PLCH1: variants seen among roughly 807,000 people sequenced by gnomAD.
PLCH1 encodes phospholipase C eta 1.
In PLCH1, 60 loss-of-function variants were observed where a neutral mutation model predicts 126.7. That is an observed-to-expected ratio of 0.47 (90% CI 0.38 to 0.59). The LOEUF (loss-of-function observed/expected upper bound fraction) is 0.59, where lower values mean the gene tolerates loss of function less well. Ranked by LOEUF, PLCH1 falls within the 20% of genes least tolerant of loss-of-function variation. PLCH1 has a pLI of 0.00. For synonymous variants in PLCH1, 719 were observed against 734.9 expected (o/e 0.98, Z 0.35); for missense variants, 1,723 against 2,040.0 (o/e 0.84, Z 2.99).
At chr3:155,512,057 C>G (rs1022971342) in intron 12 of PLCH1, among the ~76,000 whole-genome samples, 10 of 150,126 alleles carry the variant, frequency 6.7e-5, no homozygotes, top group Non-Finnish European at 1.3e-4. Context: ...TCTCGTGGTG[C>G]GCCGTTTCTT....
chr3:155,670,757 C>A (rs974625732), intron 2 of PLCH1, among the ~76,000 whole-genome samples: 9 of 152,102 alleles, frequency 5.9e-5, no homozygotes, highest in Admixed American at 2.0e-4. Flanking sequence ...CAAAACTTAC[C>A]ATGTTCTCAC....
intron 6 of PLCH1, among the ~76,000 whole-genome samples, chr3:155,577,768 C>T (rs1730171932): frequency 6.6e-6 from 1 of 152,186 alleles, no homozygotes; most frequent in Non-Finnish European, 1.5e-5. Context: ...AGAGAAGAAA[C>T]ACATGCCCCT....
chr3:155,625,266 G>A (rs1039801828), intron 2 of PLCH1, among the ~76,000 whole-genome samples: 18 of 152,104 alleles, frequency 1.2e-4, no homozygotes, highest in Admixed American at 2.6e-4. Flanking sequence ...AGACTTAAAC[G>A]TAAGATCTAA....
At chr3:155,586,527 T>G (rs1222331755) in intron 4 of PLCH1, among the ~76,000 whole-genome samples, 1 of 151,992 alleles carries the variant, frequency 6.6e-6, no homozygotes, top group East Asian at 1.9e-4. Context: ...GCCAACATGG[T>G]GAAACCCTGT....
chr3:155,482,297 G>T lies in PLCH1; in HGVS notation c.3729C>A (p.Phe1243Leu), dbSNP rs764127237. Residue 1243 changes from phenylalanine to leucine, a missense_variant, in exon 23 of 23, where the codon TTC becomes TTA. By Grantham distance (22) the Phe-to-Leu change is conservative. This residue lies in a region of PLCH1 where 947 missense variants were observed against 977.1 expected (regional missense o/e 0.97). Coordinates refer to ENST00000460012, the MANE Select transcript of PLCH1 (RefSeq NM_014996.4). The stretch of plus-strand genomic sequence containing the variant: ...CTATCAGCTCCGGAGATGAGCACAG[G>T]AAGGAAGACTTGGATTTTCCCTTGC... ...GFCKGKSKSS[F>L]LCSSPELIAL... is the part of the protein sequence containing the mutation. 6 of 1,614,084 alleles carry T rather than the reference G, an allele frequency of 3.7e-6. No homozygotes were observed. The East Asian group carries it at 1.3e-4, about 36-fold the overall frequency.
chr3:155,569,435 C>G (rs1411758804), intron 6 of PLCH1, among the ~76,000 whole-genome samples: 1 of 151,998 alleles, frequency 6.6e-6, no homozygotes, highest in Non-Finnish European at 1.5e-5. Context: ...TTTGTCAGTT[C>G]AAAAGAACAC....
chr3:155,465,942 G>A (rs1712912505), intron 21 of PLCH1, among the ~76,000 whole-genome samples: 2 of 152,186 alleles, frequency 1.3e-5, no homozygotes, highest in African/African-American at 4.8e-5. Flanking sequence ...TGCATCTTGT[G>A]GTTTCAGTGC....
In PLCH1 at chr3:155,583,575, A is replaced by T; in HGVS notation, c.668T>A (p.Met223Lys). 6.2e-7 allele frequency: 1 copy of T among 1,603,336 alleles called. No homozygotes were observed. Reference protein sequence around the residue: ...FEEFCVFYKMMSLRRDLYLLL... With the variant: ...FEEFCVFYKMKSLRRDLYLLL... ...CAAATAAAGGTCTCGTCTCAAAGAC[A>T]TCATTTTGTAAAAAACACAGAACTC... The change falls in exon 6 of 23, where the codon ATG becomes AAG. Residue 223 changes from methionine (M) to lysine (K), a missense_variant. By Grantham distance (95) the Met-to-Lys change is moderately conservative. Coordinates refer to ENST00000460012, the MANE Select transcript of PLCH1 (RefSeq NM_014996.4).
intron 2 of PLCH1, among the ~76,000 whole-genome samples, chr3:155,617,868 C>G (rs538030814): frequency 8.7e-4 from 133 of 152,278 alleles, no homozygotes; most frequent in African/African-American, 3.1e-3. Flanking sequence ...ATGCCACTTT[C>G]TAACAAGCCC....
intron 2 of PLCH1, among the ~76,000 whole-genome samples, chr3:155,651,079 T>C (rs1740663514): frequency 6.6e-6 from 1 of 152,126 alleles, no homozygotes; most frequent in Non-Finnish European, 1.5e-5. Flanking sequence ...TATTCAACTG[T>C]TGGCTGGATT....
intron 18 of PLCH1, among the ~76,000 whole-genome samples, chr3:155,491,661 C>T (rs933027715): frequency 3.9e-5 from 6 of 152,132 alleles, no homozygotes; most frequent in Admixed American, 6.6e-5. Context: ...AGAGTACCTA[C>T]TCTAAGAGTC....
intron 8 of PLCH1, among the ~76,000 whole-genome samples, chr3:155,563,795 T>C (rs544896259): frequency 6.6e-6 from 1 of 152,250 alleles, no homozygotes; most frequent in East Asian, 1.9e-4. Context: ...CTCAAAACCC[T>C]TTACAGCTGA....
At chr3:155,524,050 C>T (rs765663297) in intron 10 of PLCH1, 46 bp from the exon 11 acceptor site, 2 of 1,157,224 alleles carry the variant, frequency 1.7e-6, no homozygotes, top group Middle Eastern at 1.9e-4. Context: ...AATAAATTCA[C>T]AATAGCCAAA....
At position 155,509,269 on chromosome 3, in the gene PLCH1, C is replaced by T. The variant is rs866782500; in HGVS notation, c.1633-4643G>A. Among the ~76,000 whole-genome samples the T allele has an allele frequency of 3.8e-4, 46 of 119,596 alleles. 1 individual carries two copies. Among genetic ancestry groups the T allele is most frequent in the South Asian group, 1.1e-3 (4 of 3,728 alleles). The allele number at this position is 119,596 out of a possible 152,430, so 78.5% of individuals were successfully genotyped here. A position where few individuals can be genotyped will look rare whatever the true frequency, so the allele number is the denominator to read the frequency against. On this transcript the variant is annotated intron_variant, in intron 12 of 22. Coordinates refer to ENST00000460012, the MANE Select transcript of PLCH1 (RefSeq NM_014996.4). ...TTTTTTTCTTTATTAGTCTTGCTAG[C>T]GGTCTATCAATTTTGTTGATCCTTT...
intron 1 of PLCH1, among the ~76,000 whole-genome samples, chr3:155,715,869 G>A (rs1210416796): frequency 1.3e-5 from 2 of 152,070 alleles, no homozygotes; most frequent in Admixed American, 1.3e-4. Context: ...TTCCCAAACT[G>A]CCAGGATTAT....
At chr3:155,690,698 T>C (rs1335441412) in intron 2 of PLCH1, among the ~76,000 whole-genome samples, 1 of 152,168 alleles carries the variant, frequency 6.6e-6, no homozygotes. Context: ...TCTCAATGCT[T>C]TGTATGATGA....
At chr3:155,521,194 C>T (rs1336653264) in intron 11 of PLCH1, among the ~76,000 whole-genome samples, 6 of 152,216 alleles carry the variant, frequency 3.9e-5, no homozygotes, top group Non-Finnish European at 8.8e-5. Context: ...CACACAGACA[C>T]ACACACACTT....
At chr3:155,594,300 G>C (rs1732620718) in intron 3 of PLCH1, 116 bp from the exon 4 acceptor site, 1 of 979,554 alleles carries the variant, frequency 1.0e-6, no homozygotes, top group Non-Finnish European at 1.5e-6. Context: ...TATGAGGCTG[G>C]GTGCTCACGC....
intron 2 of PLCH1, among the ~76,000 whole-genome samples, chr3:155,650,956 T>C (rs1740644769): frequency 6.6e-6 from 1 of 151,990 alleles, no homozygotes; most frequent in Non-Finnish European, 1.5e-5. Flanking sequence ...GAGAATCGCT[T>C]GAATCTGGAA....
Sources: allele counts gnomAD v4.1 joint callset (sites outside exome capture counted in the v4.1 genomes callset), GRCh38; gene constraint gnomAD v4.1.1; regional missense constraint gnomAD v4.1.1; transcripts MANE v1.5; gene names NCBI Gene and HGNC (gene_info 2026-07-23, HGNC 2026-07-21).